The following PRKCB variants were observed in gnomAD, a reference collection of about 807,000 sequenced individuals.
PRKCB encodes protein kinase C beta type.
Under a neutral mutation model 81.5 loss-of-function variants are expected in PRKCB, and 13 were observed. The observed-to-expected ratio is 0.16, with a 90% CI of 0.10 to 0.25. The LOEUF is 0.25. PRKCB is among the 10% of genes least tolerant of loss of function. PRKCB has a pLI of 1.00. For missense variants in PRKCB, 509 were observed against 875.7 expected, an observed-to-expected ratio of 0.58 and a Z score of 5.29; for synonymous variants, 335 against 321.4, an observed-to-expected ratio of 1.04 and a Z score of -0.45.
chr16:23,982,130 TTCC>T (rs1421976138), intron 2 of PRKCB, among the ~76,000 whole-genome samples: 25 of 41,840 alleles, frequency 6.0e-4, no homozygotes, highest in African/African-American at 2.8e-3. Context: ...TCCCCTTCCC[TTCC>T]CTTTCCCTTC....
Position 24,132,771 on chromosome 16 carries a change from C to CTCTTTT in PRKCB, c.1065+8791_1065+8792insCTTTTT, listed in dbSNP as rs1476624243. Among the ~76,000 whole-genome samples the CTCTTTT allele has an allele frequency of 1.5e-4, 15 of 100,950 alleles. 1 individual carries two copies. Among genetic ancestry groups the CTCTTTT allele is most frequent in the African/African-American group, 6.6e-4 (15 of 22,872 alleles). 66.2% of individuals were successfully genotyped at this position (100,950 alleles called of 152,430 possible). A position where few individuals can be genotyped will look rare whatever the true frequency, so the allele number is the denominator to read the frequency against. On this transcript the variant is annotated intron_variant, in intron 9 of 16. Coordinates refer to ENST00000643927, the MANE Select transcript of PRKCB (RefSeq NM_002738.7). ...TGATTTAGATGTGTATGATTTGGGG[C>CTCTTTT]TTTTTTTTTTTTTTTTTTTTTCTTC...
At chr16:23,895,145 T>A (rs987819116) in intron 2 of PRKCB, among the ~76,000 whole-genome samples, 1 of 152,192 alleles carries the variant, frequency 6.6e-6, no homozygotes, top group Admixed American at 6.5e-5. Context: ...TATGTTTTTT[T>A]AAGAATAAGC....
At chr16:24,135,611 C>T (rs1966862305) in intron 9 of PRKCB, among the ~76,000 whole-genome samples, 1 of 152,118 alleles carries the variant, frequency 6.6e-6, no homozygotes, top group Non-Finnish European at 1.5e-5. Flanking sequence ...CCACACCTGG[C>T]CTCACAGCAT....
intron 3 of PRKCB, among the ~76,000 whole-genome samples, chr16:24,009,426 A>AC (rs778660741): frequency 7.2e-6 from 1 of 139,840 alleles, no homozygotes; most frequent in African/African-American, 2.6e-5. Flanking sequence ...TAGGATGACT[A>AC]TTTTTTTTTT....
intron 10 of PRKCB, 38 bp downstream of exon 10, chr16:24,154,895 G>A (rs1397783386): frequency 6.3e-7 from 1 of 1,587,474 alleles, no homozygotes; most frequent in Admixed American, 1.8e-5. Flanking sequence ...CCACCTCCAG[G>A]GCTTCACCAG....
At chr16:23,975,486 A>G (rs1338251787) in intron 2 of PRKCB, among the ~76,000 whole-genome samples, 1 of 152,168 alleles carries the variant, frequency 6.6e-6, no homozygotes, top group Non-Finnish European at 1.5e-5. Context: ...AAAGGCACCT[A>G]CTGAGAAGAT....
At chr16:23,997,418 G>A (rs1596503842) in intron 3 of PRKCB, among the ~76,000 whole-genome samples, 1 of 152,200 alleles carries the variant, frequency 6.6e-6, no homozygotes, top group African/African-American at 2.4e-5. Flanking sequence ...CACCCTGCCA[G>A]GTAAGGAACC....
chr16:24,147,306 C>CA lies in PRKCB; in HGVS notation c.1066-7362dup, dbSNP rs34855077. ...CTGGGCAACAGAGGAGACTCTGTCT[C>CA]AAAAAAAAAAAAAAAACTTCACAGC... On this transcript the variant is annotated intron_variant, in intron 9 of 16. Transcript: ENST00000643927. 3.7e-3 allele frequency among the ~76,000 whole-genome samples: 420 copies of CA among 114,718 alleles called. 2 individuals are homozygous for CA. Among genetic ancestry groups the CA allele is most frequent in the Admixed American group, 6.2e-3 (66 of 10,716 alleles). 75.3% of individuals were successfully genotyped at this position (114,718 alleles called of 152,430 possible). A position where few individuals can be genotyped will look rare whatever the true frequency, so the allele number is the denominator to read the frequency against.
At chr16:23,839,277 G>GTATT (rs1555477385) in intron 2 of PRKCB, among the ~76,000 whole-genome samples, 1 of 24,972 alleles carries the variant, frequency 4.0e-5, no homozygotes, top group African/African-American at 1.5e-4. Flanking sequence ...AGATAGGAGT[G>GTATT]TCTTTTTTTT....
chr16:24,005,299 G>A (rs1358653968), intron 3 of PRKCB, among the ~76,000 whole-genome samples: 1 of 151,810 alleles, frequency 6.6e-6, no homozygotes, highest in African/African-American at 2.4e-5. Context: ...ATATACACAT[G>A]TAAAGCCAAA....
intron 2 of PRKCB, among the ~76,000 whole-genome samples, chr16:23,898,022 C>T (rs980513509): frequency 6.6e-6 from 1 of 151,622 alleles, no homozygotes; most frequent in African/African-American, 2.4e-5. Context: ...CCTCAGCTTC[C>T]TGAGTAGCTG....
chr16:23,941,596 TTTA>T (rs1567321074), intron 2 of PRKCB, among the ~76,000 whole-genome samples: 1 of 152,184 alleles, frequency 6.6e-6, no homozygotes, highest in Non-Finnish European at 1.5e-5. Context: ...TACATTATGA[TTTA>T]TTATTAGGAA....
At chr16:23,884,067 G>A (rs1040878714) in intron 2 of PRKCB, among the ~76,000 whole-genome samples, 4 of 152,100 alleles carry the variant, frequency 2.6e-5, no homozygotes, top group Non-Finnish European at 5.9e-5. Flanking sequence ...TATTTTACAC[G>A]TACAGCACAT....
chr16:24,219,327 T>TA lies in PRKCB; in HGVS notation c.*4511_*4512insA. 1.1e-6 allele frequency: 1 copy of TA among 952,300 alleles called. No homozygotes were observed. The highest frequency in any genetic ancestry group is 2.2e-5 in the African/African-American group (1 of 44,958). The allele number at this position is 952,300 out of a possible 1,614,324, so 59.0% of individuals were successfully genotyped here. ...AGCTTTGGGTTTTCTCTCTTATAGT[T>TA]TGTTGACACATGCTAAAAATGTCTT... On this transcript the variant is annotated 3_prime_UTR_variant, in exon 17 of 17. Transcript: ENST00000643927.
intron 2 of PRKCB, among the ~76,000 whole-genome samples, chr16:23,901,084 C>T (rs1054558732): frequency 2.0e-5 from 3 of 152,268 alleles, no homozygotes; most frequent in Admixed American, 2.0e-4. Flanking sequence ...ACAGCTCTCT[C>T]TAATCTACAA....
chr16:23,981,584 CCTTT>C lies in PRKCB; in HGVS notation c.206-6922_206-6919del, dbSNP rs1417239117. Among the ~76,000 whole-genome samples, 462 of 150,862 alleles carry C rather than the reference CCTTT, an allele frequency of 3.1e-3. 1 individual carries two copies. Among genetic ancestry groups the C allele is most frequent in the African/African-American group, 0.011 (441 of 40,910 alleles). ...TTTCTTCTTTCCTTTCTTTTCCTTT[CCTTT>C]CCTTCCCTTCCCTTCCCTTTCCTTT... On this transcript the variant is annotated intron_variant, in intron 2 of 16. Coordinates refer to ENST00000643927, the MANE Select transcript of PRKCB (RefSeq NM_002738.7).
At chr16:23,881,381 T>G (rs574819272) in intron 2 of PRKCB, among the ~76,000 whole-genome samples, 1 of 151,768 alleles carries the variant, frequency 6.6e-6, no homozygotes, top group South Asian at 2.1e-4. Context: ...GCCTCCCAAG[T>G]AGTTGGGATT....
Position 24,035,375 on chromosome 16 carries a change from G to T in PRKCB, c.401-44G>T, listed in dbSNP as rs758245198. 6.9e-6 allele frequency: 11 copies of T among 1,599,394 alleles called. No homozygotes were observed. The East Asian group carries it at 2.5e-4, about 36-fold the overall frequency. ...GTGGGGCAGATGTCTGCAGCCCCCA[G>T]CCTGGGCCAGCCTAAGCCACATCCC... On this transcript the variant is annotated intron_variant, in intron 4 of 16. Transcript: ENST00000643927.
Position 24,214,754 on chromosome 16 carries a change from T to A in PRKCB, c.1960T>A (p.Ser654Thr). 1 of 1,614,194 alleles carries A rather than the reference T, an allele frequency of 6.2e-7. No homozygotes were observed. Among genetic ancestry groups the A allele is most frequent in the South Asian group, 1.1e-5 (1 of 91,086 alleles). ...DQEVIRNIDQ[S>T]EFEGFSFVNS... ...GGAAGTCATCAGGAATATTGACCAA[T>A]CAGAATTCGAAGGATTTTCCTTTGT... The change falls in exon 17 of 17, where the codon TCA becomes ACA. Residue 654 changes from serine to threonine, a missense_variant. Physicochemically the swap from Ser to Thr is moderately conservative, Grantham distance 58. Around this residue, in one of 6 missense-constraint regions of PRKCB, gnomAD observed 104 missense variants for 160.5 expected, o/e 0.65. Transcript: ENST00000643927.
Sources: gnomAD v4.1 joint callset for allele counts (sites outside exome capture counted in the v4.1 genomes callset) on GRCh38, gnomAD v4.1.1 for gene constraint, gnomAD v4.1.1 regional missense constraint, MANE v1.5 for transcripts, NCBI Gene and HGNC (gene_info 2026-07-23, HGNC 2026-07-21) for gene names.